Variants in SF3B2 observed in about 807,000 individuals in gnomAD.
The protein encoded by SF3B2 is SAP 145.
SF3B2 carries 22 observed loss-of-function variants against 116.3 expected under a neutral mutation model. That is an observed-to-expected ratio of 0.19 (90% CI 0.14 to 0.27). SF3B2 has a LOEUF of 0.27. Ranked by LOEUF, SF3B2 falls within the 10% of genes least tolerant of loss-of-function variation. The pLI is 1.00. For synonymous variants in SF3B2, 406 were observed against 421.6 expected, an observed-to-expected ratio of 0.96 and a Z score of 0.45; for missense variants, 767 against 1,151.4, an observed-to-expected ratio of 0.67 and a Z score of 4.83.
At chr11:66,067,683 G>A (rs893730491) in intron 19 of SF3B2, 11 of 505,322 alleles carry the variant, frequency 2.2e-5, no homozygotes, top group Non-Finnish European at 4.0e-5. Flanking sequence ...TGACCCTTAT[G>A]TGCATGTGGG....
intron 17 of SF3B2, 107 bp from the exon 18 acceptor site, chr11:66,063,293 G>A (rs992823747): frequency 2.6e-6 from 3 of 1,173,538 alleles, no homozygotes; most frequent in African/African-American, 3.1e-5. Context: ...CTCTAGGTAG[G>A]TAGGGATTAT....
chr11:66,059,083 CAG>C lies in SF3B2; in HGVS notation c.1182+39_1182+40del, dbSNP rs750142731. ...CACACTAGGAAGGGGCAGTGCCAAA[CAG>C]GGAAGGGGCTCAGAGGTGGGTGAGA... On this transcript the variant is annotated intron_variant, in intron 10 of 21. Coordinates refer to ENST00000322535, the MANE Select transcript of SF3B2 (RefSeq NM_006842.3). This position sits in a 1 kb window ranked among gnomAD's most constrained non-coding sequence, Gnocchi z 5.0. 3 of 1,608,994 alleles carry C rather than the reference CAG, an allele frequency of 1.9e-6. No individual in the cohort carries two copies. Among genetic ancestry groups the C allele is most frequent in the Non-Finnish European group, 2.6e-6 (3 of 1,175,904 alleles).
chr11:66,061,949 C>T lies in SF3B2; in HGVS notation c.1928C>T (p.Pro643Leu), dbSNP rs1349748797. 6.2e-7 allele frequency: 1 copy of T among 1,613,688 alleles called. No individual in the cohort carries two copies. Among genetic ancestry groups the T allele is most frequent in the Non-Finnish European group, 8.5e-7 (1 of 1,179,898 alleles). Residue 643 changes from proline (P) to leucine (L), a missense_variant, in exon 16 of 22, where the codon CCA becomes CTA. Around this residue, in one of 4 missense-constraint regions of SF3B2, gnomAD observed 282 missense variants for 568.0 expected, o/e 0.50. Coordinates refer to ENST00000322535, the MANE Select transcript of SF3B2 (RefSeq NM_006842.3). ...GCCATGCAGCGATATGGACCACCCCCATCGTATCCCAACCTGAAAATCCCT... is the reference window on the plus strand; with the variant it reads ...GCCATGCAGCGATATGGACCACCCCTATCGTATCCCAACCTGAAAATCCCT... ...LIAMQRYGPP[P>L]SYPNLKIPGL...
intron 16 of SF3B2, among the ~76,000 whole-genome samples, chr11:66,062,426 CA>C (rs1317237178): frequency 6.6e-6 from 1 of 150,426 alleles, no homozygotes; most frequent in Non-Finnish European, 1.5e-5. Flanking sequence ...CCCTTGGGGC[CA>C]GGGGTTTAAG....
chr11:66,063,755 G>A, intron 19 of SF3B2, 26 bp downstream of exon 19: 3 of 1,545,718 alleles, frequency 1.9e-6, no homozygotes, highest in Non-Finnish European at 1.8e-6. Flanking sequence ...AGGGCTGAGA[G>A]GGGAGGACCT....
At chr11:66,067,115 G>C (rs1590719041) in intron 19 of SF3B2, 1 of 216,128 alleles carries the variant, frequency 4.6e-6, no homozygotes, top group East Asian at 1.2e-4. Context: ...CATTTTTTTT[G>C]GTTGTTTCAG....
At chr11:66,058,555 C>CT in intron 9 of SF3B2, 150 bp downstream of exon 9, 1 of 664,842 alleles carries the variant, frequency 1.5e-6, no homozygotes. Flanking sequence ...CATTTAATTG[C>CT]TTTGAGTTCC....
At chr11:66,054,965 A>G (rs1419011916) in intron 3 of SF3B2, 111 bp from the exon 4 acceptor site, 4 of 1,012,642 alleles carry the variant, frequency 4.0e-6, no homozygotes, top group East Asian at 2.5e-5. Flanking sequence ...AGTGGTAACT[A>G]TGTATCATTT....
intron 21 of SF3B2, 40 bp from the exon 22 acceptor site, chr11:66,068,634 T>TTCAACCTGTCTTAACCTGTGTC: frequency 6.3e-7 from 1 of 1,599,166 alleles, no homozygotes; most frequent in African/African-American, 1.3e-5. Context: ...CCGGGGGTGG[T>TTCAACCTGTCTTAACCTGTGTC]TCAACCTGTC....
intron 17 of SF3B2, 26 bp downstream of exon 17, chr11:66,063,142 G>T (rs776115796): frequency 6.5e-7 from 1 of 1,535,920 alleles, no homozygotes; most frequent in Middle Eastern, 1.7e-4. Context: ...TAGCGATCTT[G>T]GTTTTACTTA....
At chr11:66,054,791 G>T (rs1057138259) in intron 3 of SF3B2, among the ~76,000 whole-genome samples, 1 of 152,180 alleles carries the variant, frequency 6.6e-6, no homozygotes, top group Admixed American at 6.5e-5. Context: ...TGTAGGATGA[G>T]GAGTCCCTAG....
At chr11:66,066,707 T>A (rs10791844) in intron 19 of SF3B2, 146,259 of 152,384 alleles carry the variant, frequency 0.96, 70,488 homozygotes, top group East Asian at 1. Flanking sequence ...TGGGAGTTAC[T>A]CTATTCCCAG....
chr11:66,052,751 C>T (rs1378175403), intron 2 of SF3B2, 32 bp downstream of exon 2: 5 of 1,539,184 alleles, frequency 3.2e-6, no homozygotes, highest in Non-Finnish European at 4.4e-6. Context: ...TCAGGATAGG[C>T]CGAGCTTCTC....
chr11:66,062,953 C>T (rs1857122399), intron 16 of SF3B2, 56 bp from the exon 17 acceptor site: 1 of 1,227,470 alleles, frequency 8.1e-7, no homozygotes, highest in Non-Finnish European at 1.2e-6. Context: ...TTCTCTAGGG[C>T]TTCAGAATTT....
chr11:66,052,435 G>A lies in SF3B2; in HGVS notation c.51G>A (p.Pro17=), dbSNP rs556030063. The A allele has an allele frequency of 1.2e-6, 2 of 1,613,378 alleles. No homozygotes were observed. The highest frequency in any genetic ancestry group is 1.1e-5 in the South Asian group (1 of 91,062). The part of the protein sequence containing the change: ...EPPKAELQLP[P]PPPPGHYGAW... ...CCAAAGCAGAATTGCAGCTGCCGCC[G>A]CCGCCACCTCCAGGCCACTATGGCG... The change falls in exon 1 of 22, where the codon CCG becomes CCA. Residue 17 remains proline (P), a synonymous_variant. Coordinates refer to ENST00000322535, the MANE Select transcript of SF3B2 (RefSeq NM_006842.3).
In SF3B2 at chr11:66,052,699, C is replaced by G; in HGVS notation, c.160C>G (p.Leu54Val). The change falls in exon 2 of 22, where the codon CTG becomes GTG. Residue 54 changes from leucine (L) to valine (V), a missense_variant. Physicochemically the swap from Leu to Val is conservative, Grantham distance 32. This residue lies in a region of SF3B2 where 455 missense variants were observed against 537.5 expected (regional missense o/e 0.85). Coordinates refer to ENST00000322535, the MANE Select transcript of SF3B2 (RefSeq NM_006842.3). Reference protein sequence around the residue: ...QGNREELVERLQSYTRQTGIV... With the variant: ...QGNREELVERVQSYTRQTGIV... ...TAATCGCGAGGAGCTGGTGGAGCGG[C>G]TGCAGAGCTACACCCGCCAGGTAGG... The G allele has an allele frequency of 6.3e-7, 1 of 1,585,892 alleles. No individual in the cohort carries two copies. Among genetic ancestry groups the G allele is most frequent in the African/African-American group, 1.4e-5 (1 of 73,800 alleles).
At position 66,056,322 on chromosome 11, in the gene SF3B2, C is replaced by G. The variant is rs1420829068; in HGVS notation, c.550-516C>G. ...GGCTGAGGTGGGAGGATGGCTTGAG[C>G]TGGGGAGGCCGAGGTTGCAGTGAGC... On this transcript the variant is annotated intron_variant, in intron 5 of 21. Transcript: ENST00000322535. 2.1e-5 allele frequency among the ~76,000 whole-genome samples: 3 copies of G among 143,732 alleles called. No individual in the cohort carries two copies. The South Asian group carries it at 6.9e-4, about 33-fold the overall frequency. The allele number at this position is 143,732 out of a possible 152,430, so 94.3% of individuals were successfully genotyped here.
At chr11:66,056,976 G>T in intron 6 of SF3B2, 21 bp downstream of exon 6, 3 of 1,509,128 alleles carry the variant, frequency 2.0e-6, no homozygotes, top group Non-Finnish European at 1.8e-6. Flanking sequence ...GGAACCGAGG[G>T]GAAGGGCAAG....
intron 13 of SF3B2, 86 bp from the exon 14 acceptor site, chr11:66,060,496 A>T: frequency 6.6e-7 from 1 of 1,508,336 alleles, no homozygotes; most frequent in Non-Finnish European, 9.1e-7. Flanking sequence ...GAGGCTTCCC[A>T]TGATCTCATT....
Sources: gnomAD v4.1 joint callset for allele counts (sites outside exome capture counted in the v4.1 genomes callset) on GRCh38, gnomAD v4.1.1 for gene constraint, gnomAD v4.1.1 regional missense constraint, Gnocchi (gnomAD v3.1) non-coding constraint, MANE v1.5 for transcripts, NCBI Gene and HGNC (gene_info 2026-07-23, HGNC 2026-07-21) for gene names.